The following RELB variants were observed in gnomAD, a reference collection of about 807,000 sequenced individuals.
RELB encodes RELB proto-oncogene, NF-kB subunit, also known as transcription factor RelB.
Under a neutral mutation model 55.4 loss-of-function variants are expected in RELB, and 14 were observed. The observed-to-expected ratio is 0.25, with a 90% CI of 0.17 to 0.40. The LOEUF is 0.40. Ranked by LOEUF, RELB falls within the 10% of genes least tolerant of loss-of-function variation. The probability of loss-of-function intolerance (pLI) is 1.00; values close to 1 mark genes in which losing one functional copy is unlikely to be tolerated. For synonymous variants in RELB, 409 were observed against 371.3 expected (o/e 1.10, Z -1.17); for missense variants, 669 against 830.7 (o/e 0.81, Z 2.39).
At chr19:45,003,784 C>G (rs1475715256) in intron 2 of RELB, among the ~76,000 whole-genome samples, 2 of 151,366 alleles carry the variant, frequency 1.3e-5, no homozygotes, top group Admixed American at 6.6e-5. Flanking sequence ...ATCTGGCACA[C>G]AGTAAGGGTT....
intron 9 of RELB, among the ~76,000 whole-genome samples, chr19:45,033,673 A>G (rs956462461): frequency 2.0e-5 from 3 of 151,472 alleles, no homozygotes; most frequent in Non-Finnish European, 4.4e-5. Context: ...CAACAGAGCA[A>G]GACTCACTAC....
At chr19:45,037,335 A>T in intron 11 of RELB, 70 bp from the exon 12 acceptor site, 1 of 1,441,770 alleles carries the variant, frequency 6.9e-7, no homozygotes, top group Non-Finnish European at 9.1e-7. Flanking sequence ...GGAGTAGGGC[A>T]TTTGATTTAG....
chr19:45,029,368 C>T (rs1971594652), intron 8 of RELB, among the ~76,000 whole-genome samples: 1 of 152,082 alleles, frequency 6.6e-6, no homozygotes, highest in Non-Finnish European at 1.5e-5. Flanking sequence ...GGAGAAGCAA[C>T]TCCACTTCAT....
intron 9 of RELB, 56 bp from the exon 10 acceptor site, chr19:45,034,188 G>C: frequency 8.4e-7 from 1 of 1,195,538 alleles, no homozygotes; most frequent in African/African-American, 1.6e-5. Context: ...ATAAATAAAG[G>C]AATTAATTAT....
At position 45,033,845 on chromosome 19, in the gene RELB, G is replaced by T. The variant is rs551682511; in HGVS notation, c.1208-399G>T. Among the ~76,000 whole-genome samples the T allele has an allele frequency of 1.5e-3, 222 of 149,056 alleles. 1 individual carries two copies. The highest frequency in any genetic ancestry group is 2.2e-3 in the Non-Finnish European group (149 of 67,446). On this transcript the variant is annotated intron_variant, in intron 9 of 11. Coordinates refer to ENST00000221452, the MANE Select transcript of RELB (RefSeq NM_006509.4). ...GGAGTGAGCCACCACGCCCAGCCAAGACTCCATCTTTAAAAAAAAAAAAAA... is the reference window on the plus strand; with the variant it reads ...GGAGTGAGCCACCACGCCCAGCCAATACTCCATCTTTAAAAAAAAAAAAAA...
At chr19:45,033,583 G>A (rs1971651236) in intron 9 of RELB, among the ~76,000 whole-genome samples, 1 of 151,932 alleles carries the variant, frequency 6.6e-6, no homozygotes, top group Non-Finnish European at 1.5e-5. Flanking sequence ...TACTCGGGAG[G>A]CTGAGGCAGG....
chr19:45,023,951 ACGTTGGT>A (rs1176856805), intron 5 of RELB, among the ~76,000 whole-genome samples: 15 of 120,138 alleles, frequency 1.2e-4, no homozygotes, highest in African/African-American at 4.4e-4. Context: ...GGGTTTCACC[ACGTTGGT>A]CAGGCTGATC....
At chr19:45,023,141 T>A (rs1379953076) in intron 5 of RELB, among the ~76,000 whole-genome samples, 9 of 152,116 alleles carry the variant, frequency 5.9e-5, no homozygotes, top group Non-Finnish European at 2.9e-5. Flanking sequence ...AGAGATCTTG[T>A]CTCTTACATT....
intron 3 of RELB, 21 bp downstream of exon 3, chr19:45,009,843 T>C (rs941883715): frequency 6.3e-6 from 10 of 1,596,220 alleles, no homozygotes; most frequent in Non-Finnish European, 7.6e-6. Context: ...CAGGGCAGGT[T>C]TGCGGGGAGG....
In RELB at chr19:45,012,065, T is replaced by C; in HGVS notation, c.293T>C (p.Val98Ala). ...ASLSTVTLGP[V>A]APPATPPPWG... The stretch of plus-strand genomic sequence containing the variant: ...CTGAGCACGGTCACCCTGGGCCCTG[T>C]GGCGCCCCCAGCCACGCCGCCGCCT... The change falls in exon 4 of 12, where the codon GTG becomes GCG. Residue 98 changes from valine to alanine, a missense_variant. Physicochemically the swap from Val to Ala is moderately conservative, Grantham distance 64. This residue lies in a region of RELB where 323 missense variants were observed against 368.5 expected (regional missense o/e 0.88). Transcript: ENST00000221452. 6.4e-7 allele frequency: 1 copy of C among 1,554,538 alleles called. No individual in the cohort carries two copies. Among genetic ancestry groups the C allele is most frequent in the East Asian group, 2.5e-5 (1 of 40,098 alleles).
At chr19:45,009,917 G>C (rs1383789434) in intron 3 of RELB, 95 bp downstream of exon 3, 2 of 1,243,900 alleles carry the variant, frequency 1.6e-6, no homozygotes, top group African/African-American at 3.0e-5. Context: ...GGGTGGGGGA[G>C]AGGTGTCACT....
rs1254643906 is a variant in RELB, at chr19:45,022,138, G to C, written c.590G>C (p.Ser197Thr). 6.2e-7 allele frequency: 1 copy of C among 1,613,050 alleles called. No homozygotes were observed. The highest frequency in any genetic ancestry group is 1.3e-5 in the African/African-American group (1 of 74,948). ...KDWPHRVHPHSLVGKDCTDGI... is the reference protein window; with the variant it reads ...KDWPHRVHPHTLVGKDCTDGI... ...TGGCCTCACCGAGTCCACCCCCACAGCCTCGTGGGGAAAGACTGCACCGAC... is the reference window on the plus strand; with the variant it reads ...TGGCCTCACCGAGTCCACCCCCACACCCTCGTGGGGAAAGACTGCACCGAC... Residue 197 changes from serine to threonine, a missense_variant, in exon 5 of 12, where the codon AGC (serine) becomes ACC (threonine). Ser to Thr is a moderately conservative substitution (Grantham distance 58, BLOSUM62 1). This residue lies in a region of RELB where 323 missense variants were observed against 368.5 expected (regional missense o/e 0.88). Transcript: ENST00000221452.
chr19:45,016,938 T>C (rs1163359865), intron 4 of RELB, among the ~76,000 whole-genome samples: 10 of 152,194 alleles, frequency 6.6e-5, no homozygotes, highest in Non-Finnish European at 1.3e-4. Context: ...GGTTTCTTAT[T>C]GACTCGAATC....
rs779152710 is a variant in RELB at position 45,037,619 on chromosome 19, C to T, written c.1569C>T (p.Ala523=). The T allele has an allele frequency of 4.4e-5, 70 of 1,602,886 alleles. No individual in the cohort carries two copies. The highest frequency in any genetic ancestry group is 5.5e-5 in the Non-Finnish European group (65 of 1,175,480). The change falls in exon 12 of 12, where the codon GCC becomes GCT. Residue 523 remains alanine, a synonymous_variant. Coordinates refer to ENST00000221452, the MANE Select transcript of RELB (RefSeq NM_006509.4). ...TTGTGTGCAGCGGAGGTGCCGGGGCCGTGGTTGGGGAGACCCCCGGCCCTG... is the reference window on the plus strand; with the variant it reads ...TTGTGTGCAGCGGAGGTGCCGGGGCTGTGGTTGGGGAGACCCCCGGCCCTG... ...SAVVCSGGAG[A]VVGETPGPEP...
chr19:45,003,532 C>T (rs769029196), intron 2 of RELB: 2 of 512,192 alleles, frequency 3.9e-6, no homozygotes, highest in Non-Finnish European at 7.7e-6. Flanking sequence ...CCTATCCATG[C>T]GCAAAGGCTT....
intron 4 of RELB, among the ~76,000 whole-genome samples, chr19:45,015,468 C>T (rs1388380789): frequency 4.6e-5 from 7 of 152,202 alleles, no homozygotes; most frequent in Middle Eastern, 6.8e-3. Flanking sequence ...GGCATGGTGG[C>T]TCATGCCTGT....
At chr19:45,019,970 G>A (rs1052816611) in intron 4 of RELB, among the ~76,000 whole-genome samples, 5 of 151,600 alleles carry the variant, frequency 3.3e-5, no homozygotes, top group Admixed American at 1.3e-4. Flanking sequence ...CACCCACCTC[G>A]GCCTCCTCAA....
intron 8 of RELB, among the ~76,000 whole-genome samples, chr19:45,029,469 T>G (rs1375382887): frequency 6.6e-6 from 1 of 151,772 alleles, no homozygotes; most frequent in African/African-American, 2.4e-5. Context: ...TCCCAGCAAT[T>G]TGGGAGGCTG....
intron 4 of RELB, among the ~76,000 whole-genome samples, chr19:45,017,449 T>TTAAAAAAAAA (rs1555726090): frequency 1.9e-5 from 2 of 102,702 alleles, no homozygotes; most frequent in Non-Finnish European, 3.5e-5. Context: ...AGAATCTGTC[T>TTAAAAAAAAA]AAAAAAAAAA....
Sources: allele counts gnomAD v4.1 joint callset (sites outside exome capture counted in the v4.1 genomes callset), GRCh38; gene constraint gnomAD v4.1.1; regional missense constraint gnomAD v4.1.1; transcripts MANE v1.5; gene names NCBI Gene and HGNC (gene_info 2026-07-23, HGNC 2026-07-21).